The following DIP2B variants were observed in gnomAD, a reference collection of about 807,000 sequenced individuals.
DIP2B encodes DIP2 acetate--CoA ligase B (putative).
Under a neutral mutation model 198.0 loss-of-function variants are expected in DIP2B, and 76 were observed. That is an observed-to-expected ratio of 0.38 (90% CI 0.32 to 0.46). The LOEUF is 0.46. DIP2B is among the 20% of genes least tolerant of loss of function. The pLI is 0.99. For synonymous variants in DIP2B, 701 were observed against 739.1 expected (o/e 0.95, Z 0.84); for missense variants, 1,559 against 1,978.4 (o/e 0.79, Z 4.02).
At chr12:50,717,455 T>C (rs574053012) in intron 23 of DIP2B, among the ~76,000 whole-genome samples, 7 of 145,780 alleles carry the variant, frequency 4.8e-5, no homozygotes. Context: ...AAGCTTCGCC[T>C]CCTGGGTTGA....
intron 1 of DIP2B, among the ~76,000 whole-genome samples, chr12:50,585,099 C>G (rs1423728021): frequency 2.6e-5 from 4 of 152,222 alleles, no homozygotes; most frequent in African/African-American, 4.8e-5. Context: ...GTTTCTGGCT[C>G]TCATCCTTAT....
intron 1 of DIP2B, among the ~76,000 whole-genome samples, chr12:50,573,358 C>T (rs1302553586): frequency 2.0e-5 from 3 of 152,210 alleles, no homozygotes; most frequent in Non-Finnish European, 2.9e-5. Flanking sequence ...AGTTTAGTAG[C>T]GCATGCTGCT....
intron 1 of DIP2B, among the ~76,000 whole-genome samples, chr12:50,513,286 A>T (rs1002712718): frequency 2.6e-5 from 4 of 152,162 alleles, no homozygotes; most frequent in African/African-American, 7.2e-5. Context: ...TCCTGTTGGC[A>T]CCTATACCCT....
intron 35 of DIP2B, among the ~76,000 whole-genome samples, chr12:50,739,186 T>G (rs1940192052): frequency 6.6e-6 from 1 of 152,202 alleles, no homozygotes; most frequent in Non-Finnish European, 1.5e-5. Context: ...ATCCGTAAAA[T>G]GGGAACAACA....
intron 37 of DIP2B, among the ~76,000 whole-genome samples, chr12:50,741,746 G>A (rs1258256220): frequency 6.6e-6 from 1 of 152,172 alleles, no homozygotes; most frequent in South Asian, 2.1e-4. Flanking sequence ...GAGGCCATGA[G>A]GCCCCTGGGG....
chr12:50,560,878 G>A (rs1384221329), intron 1 of DIP2B, among the ~76,000 whole-genome samples: 4 of 152,182 alleles, frequency 2.6e-5, no homozygotes, highest in African/African-American at 4.8e-5. Context: ...AAATTTAGTG[G>A]TTTAATTTCT....
chr12:50,576,272 G>A (rs1958659771), intron 1 of DIP2B, among the ~76,000 whole-genome samples: 2 of 151,416 alleles, frequency 1.3e-5, no homozygotes, highest in Non-Finnish European at 2.9e-5. Context: ...TCTCCATGTT[G>A]GTCAGGCTGG....
At chr12:50,726,168 G>C (rs1207979197) in intron 28 of DIP2B, among the ~76,000 whole-genome samples, 1 of 152,136 alleles carries the variant, frequency 6.6e-6, no homozygotes, top group Non-Finnish European at 1.5e-5. Flanking sequence ...CCATGTTATG[G>C]TGATTTAAAA....
chr12:50,515,173 T>G (rs1383336289), intron 1 of DIP2B, among the ~76,000 whole-genome samples: 1 of 151,902 alleles, frequency 6.6e-6, no homozygotes, highest in African/African-American at 2.4e-5. Flanking sequence ...CACTGACTCC[T>G]AATTTCAGAC....
Position 50,649,814 on chromosome 12 carries a change from C to T in DIP2B, c.301+8962C>T, listed in dbSNP as rs571987045. Reference sequence around the variant, plus strand: ...GAGGCTGCTGTGAGCCGAGATTGTGCCACTGCAATCCGGCCTGGGTGAAAG... The same window carrying T: ...GAGGCTGCTGTGAGCCGAGATTGTGTCACTGCAATCCGGCCTGGGTGAAAG... On this transcript the variant is annotated intron_variant, in intron 3 of 37. Coordinates refer to ENST00000301180, the MANE Select transcript of DIP2B (RefSeq NM_173602.3). 7.9e-5 allele frequency among the ~76,000 whole-genome samples: 12 copies of T among 152,140 alleles called. No individual in the cohort carries two copies. In the South Asian group the frequency reaches 2.5e-3, roughly 32 times the overall value.
chr12:50,699,294 A>C (rs1939374728), intron 19 of DIP2B, 92 bp downstream of exon 19: 4 of 1,549,154 alleles, frequency 2.6e-6, no homozygotes, highest in African/African-American at 2.7e-5. Context: ...ATAGCATAAC[A>C]TGTGGTTGAG....
intron 1 of DIP2B, among the ~76,000 whole-genome samples, chr12:50,608,970 C>T (rs1490587049): frequency 6.6e-6 from 1 of 152,026 alleles, no homozygotes; most frequent in African/African-American, 2.4e-5. Flanking sequence ...GGTGAAACCC[C>T]ATCTCTACTA....
At chr12:50,622,589 T>C (rs1937835450) in intron 1 of DIP2B, among the ~76,000 whole-genome samples, 1 of 152,178 alleles carries the variant, frequency 6.6e-6, no homozygotes, top group Non-Finnish European at 1.5e-5. Flanking sequence ...AGAAAAAAAT[T>C]TTACATGTGT....
At chr12:50,707,786 T>A (rs566247805) in intron 21 of DIP2B, among the ~76,000 whole-genome samples, 1 of 152,120 alleles carries the variant, frequency 6.6e-6, no homozygotes, top group African/African-American at 2.4e-5. Flanking sequence ...AAGGGGACAT[T>A]TGAGCGGAGA....
chr12:50,542,591 C>T (rs1958336790), intron 1 of DIP2B, among the ~76,000 whole-genome samples: 1 of 152,194 alleles, frequency 6.6e-6, no homozygotes, highest in Non-Finnish European at 1.5e-5. Context: ...TATACTTGAG[C>T]TGCAACCACA....
rs1442314550 is a variant in DIP2B at position 50,745,594 on chromosome 12, A to G, written c.*755A>G. On this transcript the variant is annotated 3_prime_UTR_variant, in exon 38 of 38. Transcript: ENST00000301180. ...GTTCTATGTCTTTGTTGGCTGGTGT[A>G]TTTTATAAACTAAAGCTGCCTATGT... The G allele has an allele frequency of 2.0e-5, 3 of 152,532 alleles. No homozygotes were observed. The highest frequency in any genetic ancestry group is 4.4e-5 in the Non-Finnish European group (3 of 68,032). The allele number at this position is 152,532 out of a possible 1,614,324, so 9.4% of individuals were successfully genotyped here. A position where few individuals can be genotyped will look rare whatever the true frequency, so the allele number is the denominator to read the frequency against.
intron 17 of DIP2B, among the ~76,000 whole-genome samples, chr12:50,698,086 G>A (rs931873532): frequency 6.6e-6 from 1 of 151,756 alleles, no homozygotes; most frequent in Non-Finnish European, 1.5e-5. Flanking sequence ...GTAGAGATGG[G>A]GGTCCCACTG....
intron 1 of DIP2B, among the ~76,000 whole-genome samples, chr12:50,509,827 T>G (rs1346546788): frequency 6.6e-6 from 1 of 152,204 alleles, no homozygotes; most frequent in Non-Finnish European, 1.5e-5. Flanking sequence ...TAGTCATAGA[T>G]TCGTAGGATA....
At position 50,691,143 on chromosome 12, in the gene DIP2B, A is replaced by T. The variant is rs1384761275; in HGVS notation, c.1646A>T (p.Tyr549Phe). 1 of 1,614,094 alleles carries T rather than the reference A, an allele frequency of 6.2e-7. No homozygotes were observed. The highest frequency in any genetic ancestry group is 1.1e-5 in the South Asian group (1 of 91,076). ...CAAGCTCTGTCGCAGGCCTGCAATTATTCTGAAGGTCAGACCTCATCCCAT... is the reference window on the plus strand; with the variant it reads ...CAAGCTCTGTCGCAGGCCTGCAATTTTTCTGAAGGTCAGACCTCATCCCAT... ...HCQALSQACN[Y>F]SEGETIVNVL... The change falls in exon 13 of 38, where the codon TAT becomes TTT. Residue 549 changes from tyrosine (Y) to phenylalanine (F), a missense_variant. Tyr to Phe is a conservative substitution (Grantham distance 22, BLOSUM62 3). Coordinates refer to ENST00000301180, the MANE Select transcript of DIP2B (RefSeq NM_173602.3).
Sources: gnomAD v4.1 joint callset for allele counts (sites outside exome capture counted in the v4.1 genomes callset) on GRCh38, gnomAD v4.1.1 for gene constraint, MANE v1.5 for transcripts, NCBI Gene and HGNC (gene_info 2026-07-23, HGNC 2026-07-21) for gene names.